Variants in RAP1GDS1 observed in about 807,000 individuals in gnomAD.
RAP1GDS1 encodes the protein RAP1, GTP-GDP dissociation stimulator 1.
In RAP1GDS1, 35 loss-of-function variants were observed where a neutral mutation model predicts 71.1. The observed-to-expected ratio is 0.49, with a 90% CI of 0.38 to 0.65. The LOEUF (loss-of-function observed/expected upper bound fraction) is 0.65. Among genes scored for constraint, RAP1GDS1 ranks in the 30% least tolerant of loss-of-function variants. RAP1GDS1 has a pLI of 0.00. For synonymous variants in RAP1GDS1, 229 were observed against 243.1 expected, an observed-to-expected ratio of 0.94 and a Z score of 0.54; for missense variants, 663 against 706.1, an observed-to-expected ratio of 0.94 and a Z score of 0.69.
chr4:98,352,457 A>C lies in RAP1GDS1; in HGVS notation c.236-19A>C. The C allele has an allele frequency of 6.2e-7, 1 of 1,609,806 alleles. No individual in the cohort carries two copies. Among genetic ancestry groups the C allele is most frequent in the South Asian group, 1.1e-5 (1 of 90,466 alleles). ...TGTGAATCGTTAGATTTTTAATTAA[A>C]CATGTCTCTTATTTTCAGAGTTTAT... On this transcript the variant is annotated intron_variant, in intron 3 of 14. Transcript: ENST00000408927.
intron 7 of RAP1GDS1, among the ~76,000 whole-genome samples, chr4:98,407,894 A>G (rs1467742248): frequency 6.6e-6 from 1 of 152,156 alleles, no homozygotes; most frequent in Non-Finnish European, 1.5e-5. Flanking sequence ...TGGAAAACAT[A>G]CAGTGCAACA....
At chr4:98,298,706 G>A (rs1262014928) in intron 2 of RAP1GDS1, among the ~76,000 whole-genome samples, 1 of 152,224 alleles carries the variant, frequency 6.6e-6, no homozygotes, top group African/African-American at 2.4e-5. Flanking sequence ...GGAGATAAAT[G>A]TTATTTTTGT....
Position 98,342,790 on chromosome 4 carries a change from C to T in RAP1GDS1, c.113-349C>T, listed in dbSNP as rs183851837. On this transcript the variant is annotated intron_variant, in intron 2 of 14. Transcript: ENST00000408927. ...ATATAAAGTGATAGCTCTTAGAATT[C>T]AGAAGAGATGTAGAAAAAAAGCATT... Among the ~76,000 whole-genome samples the T allele has an allele frequency of 3.5e-3, 525 of 152,098 alleles. 4 individuals carry two copies. The highest frequency in any genetic ancestry group is 2.8e-3 in the Non-Finnish European group (189 of 67,998).
chr4:98,326,387 T>C (rs1733089723), intron 2 of RAP1GDS1, among the ~76,000 whole-genome samples: 2 of 152,192 alleles, frequency 1.3e-5, no homozygotes, highest in African/African-American at 2.4e-5. Flanking sequence ...CTCCCTTTTT[T>C]CTTCCCCATT....
intron 1 of RAP1GDS1, among the ~76,000 whole-genome samples, chr4:98,280,556 G>A (rs1199290113): frequency 1.3e-5 from 2 of 152,066 alleles, no homozygotes; most frequent in Non-Finnish European, 2.9e-5. Context: ...CCATTCTGTA[G>A]GTTGCCTGTT....
intron 11 of RAP1GDS1, among the ~76,000 whole-genome samples, 182 bp from the exon 12 acceptor site, chr4:98,421,073 T>G (rs1369414189): frequency 3.9e-5 from 6 of 152,198 alleles, no homozygotes; most frequent in African/African-American, 1.4e-4. Flanking sequence ...TTCTATAAAA[T>G]TTCACAGTGT....
intron 3 of RAP1GDS1, among the ~76,000 whole-genome samples, chr4:98,345,793 C>T (rs1736160169): frequency 6.6e-6 from 1 of 152,110 alleles, no homozygotes; most frequent in Non-Finnish European, 1.5e-5. Flanking sequence ...ATTTTATGCA[C>T]TAGTTTGTTT....
In RAP1GDS1 at chr4:98,371,445, G is replaced by A. The variant is rs143299382; in HGVS notation, c.362-7572G>A. 3.3e-5 allele frequency among the ~76,000 whole-genome samples: 5 copies of A among 151,814 alleles called. 1 individual carries two copies. Among genetic ancestry groups the A allele is most frequent in the African/African-American group, 9.7e-5 (4 of 41,392 alleles). On this transcript the variant is annotated intron_variant, in intron 4 of 14. Transcript: ENST00000408927. ...ATTAACCCTTTTGTTGTTATGTAAT[G>A]TCCCCCTTTATCCCTGATAATACTG... is the stretch of plus-strand genomic sequence containing the variant.
At chr4:98,275,358 C>T (rs974088839) in intron 1 of RAP1GDS1, among the ~76,000 whole-genome samples, 1 of 152,096 alleles carries the variant, frequency 6.6e-6, no homozygotes, top group African/African-American at 2.4e-5. Context: ...GTGCATCCAG[C>T]AACTGTGTAA....
At chr4:98,415,307 C>G (rs1747782144) in intron 7 of RAP1GDS1, among the ~76,000 whole-genome samples, 1 of 152,102 alleles carries the variant, frequency 6.6e-6, no homozygotes, top group Non-Finnish European at 1.5e-5. Flanking sequence ...TACAATCAGA[C>G]TTCATATTTT....
rs183593573 is a variant in RAP1GDS1, at chr4:98,436,352, C to T, written c.1568-588C>T. The stretch of plus-strand genomic sequence containing the variant: ...TGTAGCTATAGAGTAAGCCTTAATA[C>T]TGGATGGAGGAATTCCTCACACTTT... On this transcript the variant is annotated intron_variant, in intron 13 of 14. Transcript: ENST00000408927. Among the ~76,000 whole-genome samples the T allele has an allele frequency of 2.6e-4, 40 of 152,250 alleles. 1 individual carries two copies. Among genetic ancestry groups the T allele is most frequent in the African/African-American group, 8.9e-4 (37 of 41,552 alleles).
chr4:98,413,823 T>G (rs1453093303), intron 7 of RAP1GDS1, among the ~76,000 whole-genome samples: 2 of 152,100 alleles, frequency 1.3e-5, no homozygotes, highest in Admixed American at 6.5e-5. Flanking sequence ...GGAACTAGTT[T>G]ACAGTCCCAC....
intron 5 of RAP1GDS1, among the ~76,000 whole-genome samples, chr4:98,385,434 A>AAGC (rs1352860995): frequency 6.6e-6 from 1 of 151,768 alleles, no homozygotes; most frequent in Non-Finnish European, 1.5e-5. Context: ...GGCCTTTCAA[A>AAGC]AGCTGAGGCT....
intron 5 of RAP1GDS1, among the ~76,000 whole-genome samples, chr4:98,380,296 G>A (rs1204079834): frequency 6.6e-6 from 1 of 151,676 alleles, no homozygotes; most frequent in Non-Finnish European, 1.5e-5. Context: ...ATGGGAGGTG[G>A]GGGAGAAAGC....
intron 14 of RAP1GDS1, chr4:98,441,762 A>G: frequency 1.9e-6 from 1 of 537,622 alleles, no homozygotes. Flanking sequence ...GCAAGTCCCC[A>G]TCTTTAAAAT....
At chr4:98,328,247 A>G (rs1365148464) in intron 2 of RAP1GDS1, among the ~76,000 whole-genome samples, 1 of 152,236 alleles carries the variant, frequency 6.6e-6, no homozygotes, top group Admixed American at 6.5e-5. Context: ...CTTAGGTTTC[A>G]TTCTTTCAAA....
At chr4:98,366,345 G>A (rs943773069) in intron 4 of RAP1GDS1, among the ~76,000 whole-genome samples, 1 of 152,158 alleles carries the variant, frequency 6.6e-6, no homozygotes, top group Non-Finnish European at 1.5e-5. Flanking sequence ...CCATGATTGT[G>A]AGGCTTTCCC....
intron 2 of RAP1GDS1, among the ~76,000 whole-genome samples, chr4:98,336,750 A>G (rs541710407): frequency 1.1e-3 from 161 of 151,900 alleles, no homozygotes; most frequent in South Asian, 2.5e-3. Flanking sequence ...TTTTATTCCC[A>G]TCCCTGCCAC....
At chr4:98,355,917 A>C (rs1285408835) in intron 4 of RAP1GDS1, among the ~76,000 whole-genome samples, 2 of 152,186 alleles carry the variant, frequency 1.3e-5, no homozygotes, top group Non-Finnish European at 2.9e-5. Flanking sequence ...GAGATGAAAG[A>C]ATCACTCACT....
Sources: allele counts gnomAD v4.1 joint callset (sites outside exome capture counted in the v4.1 genomes callset), GRCh38; gene constraint gnomAD v4.1.1; transcripts MANE v1.5; gene names NCBI Gene and HGNC (gene_info 2026-07-23, HGNC 2026-07-21).